SYNJ1: variants seen among roughly 807,000 people sequenced by gnomAD.
SYNJ1 encodes polyphosphatidylinositol phosphatase SYNJ1.
SYNJ1 carries 78 observed loss-of-function variants against 168.2 expected under a neutral mutation model. The ratio of observed to expected loss-of-function variants is 0.46; its 90% CI spans 0.39 to 0.56. The LOEUF is 0.56. Among genes scored for constraint, SYNJ1 ranks in the 20% least tolerant of loss-of-function variants. The pLI, the probability that SYNJ1 is intolerant of heterozygous loss-of-function variation, is 0.00. For missense variants in SYNJ1, 1,303 were observed against 1,597.6 expected (o/e 0.82, Z 3.14); for synonymous variants, 539 against 548.6 (o/e 0.98, Z 0.24).
chr21:32,721,322 AGT>A (rs1381290718), intron 2 of SYNJ1, among the ~76,000 whole-genome samples: 2 of 152,268 alleles, frequency 1.3e-5, no homozygotes, highest in East Asian at 3.8e-4. Flanking sequence ...CTTTTTAGAA[AGT>A]GTTTTAAATA....
intron 6 of SYNJ1, among the ~76,000 whole-genome samples, chr21:32,691,074 T>C (rs2146132586): frequency 6.6e-6 from 1 of 152,390 alleles, no homozygotes; most frequent in Non-Finnish European, 1.5e-5. Flanking sequence ...TGTTTACCAT[T>C]TTTTGACTGA....
Position 32,656,984 on chromosome 21 carries a change from A to T in SYNJ1, c.2579+19T>A, listed in dbSNP as rs938462044. On this transcript the variant is annotated intron_variant, in intron 20 of 32. Coordinates refer to ENST00000674351, the MANE Select transcript of SYNJ1 (RefSeq NM_203446.3). ...AAACAAATTTCAAACACTATTAGAA[A>T]AACTGAGACTGCTTAAACCTGTGGT... is the stretch of plus-strand genomic sequence containing the variant. 1 of 1,611,418 alleles carries T rather than the reference A, an allele frequency of 6.2e-7. No homozygotes were observed.
At chr21:32,664,861 T>TG (rs2040861545) in intron 18 of SYNJ1, 52 bp downstream of exon 18, 4 of 1,478,730 alleles carry the variant, frequency 2.7e-6, no homozygotes, top group African/African-American at 1.4e-5. Flanking sequence ...TAAAAAGGCA[T>TG]GTTTCACGAC....
intron 2 of SYNJ1, among the ~76,000 whole-genome samples, chr21:32,724,356 C>T (rs537952158): frequency 6.6e-6 from 1 of 152,202 alleles, no homozygotes; most frequent in African/African-American, 2.4e-5. Context: ...GGCGTGGTGG[C>T]ACACACCTAT....
At chr21:32,641,471 A>G (rs1223923385) in intron 29 of SYNJ1, among the ~76,000 whole-genome samples, 4 of 152,190 alleles carry the variant, frequency 2.6e-5, no homozygotes, top group Non-Finnish European at 1.5e-5. Context: ...AAAAACCAAA[A>G]AGAGAAAAAA....
chr21:32,661,886 AT>A (rs1193402318), intron 18 of SYNJ1, among the ~76,000 whole-genome samples: 1 of 152,046 alleles, frequency 6.6e-6, no homozygotes, highest in Non-Finnish European at 1.5e-5. Context: ...TTTGGGAAAA[AT>A]TACACAAACA....
chr21:32,646,647 G>A, intron 23 of SYNJ1, 45 bp from the exon 24 acceptor site: 1 of 1,491,322 alleles, frequency 6.7e-7, no homozygotes, highest in Non-Finnish European at 9.3e-7. Context: ...ATTTTAACTT[G>A]CTCAGAGATT....
At chr21:32,656,215 T>A (rs943855334) in intron 21 of SYNJ1, among the ~76,000 whole-genome samples, 8 of 152,180 alleles carry the variant, frequency 5.3e-5, no homozygotes, top group Non-Finnish European at 1.0e-4. Flanking sequence ...GCAGATCGCT[T>A]AAGGCCAGGG....
intron 15 of SYNJ1, among the ~76,000 whole-genome samples, chr21:32,667,995 A>C (rs1320183270): frequency 6.9e-6 from 1 of 144,596 alleles, no homozygotes; most frequent in African/African-American, 2.6e-5. Context: ...CTACTTTATT[A>C]AAGAAGAATA....
In SYNJ1 at chr21:32,665,019, T is replaced by A; in HGVS notation, c.2198A>T (p.Tyr733Phe). 1.9e-6 allele frequency: 3 copies of A among 1,613,540 alleles called. No homozygotes were observed. Among genetic ancestry groups the A allele is most frequent in the Non-Finnish European group, 2.5e-6 (3 of 1,179,618 alleles). Residue 733 changes from tyrosine to phenylalanine, a missense_variant, in exon 18 of 33, where the codon TAT (tyrosine) becomes TTT (phenylalanine). This residue lies in a region of SYNJ1 where 920 missense variants were observed against 1,208.8 expected (regional missense o/e 0.76). Transcript: ENST00000674351. Reference protein sequence around the residue: ...DYVFWCGDFNYRIDLPNEEVK... With the variant: ...DYVFWCGDFNFRIDLPNEEVK... Reference sequence around the variant, plus strand: ...TTCTTCGTTAGGGAGATCGATTCGATAGTTGAAATCACCACACCAAAATAC... The same window carrying A: ...TTCTTCGTTAGGGAGATCGATTCGAAAGTTGAAATCACCACACCAAAATAC...
intron 31 of SYNJ1, among the ~76,000 whole-genome samples, chr21:32,637,784 T>A (rs1006579659): frequency 6.6e-6 from 1 of 152,210 alleles, no homozygotes; most frequent in East Asian, 1.9e-4. Flanking sequence ...TAAGGGAACA[T>A]TTATTTTTCT....
intron 4 of SYNJ1, among the ~76,000 whole-genome samples, chr21:32,698,705 A>G (rs2042294878): frequency 6.6e-6 from 1 of 152,186 alleles, no homozygotes; most frequent in Non-Finnish European, 1.5e-5. Flanking sequence ...GTTATGCATA[A>G]TCATGAAATA....
intron 15 of SYNJ1, among the ~76,000 whole-genome samples, chr21:32,666,828 CA>C (rs1458602712): frequency 6.6e-6 from 1 of 152,196 alleles, no homozygotes; most frequent in East Asian, 1.9e-4. Flanking sequence ...TGAGTAAATT[CA>C]AACTTATACA....
At chr21:32,717,689 C>CTT (rs1260974749) in intron 2 of SYNJ1, among the ~76,000 whole-genome samples, 1 of 152,172 alleles carries the variant, frequency 6.6e-6, no homozygotes, top group East Asian at 1.9e-4. Flanking sequence ...CTGCCTACTC[C>CTT]TTTTTGGTGA....
At chr21:32,719,986 T>C (rs1375461173) in intron 2 of SYNJ1, among the ~76,000 whole-genome samples, 1 of 151,960 alleles carries the variant, frequency 6.6e-6, no homozygotes, top group Non-Finnish European at 1.5e-5. Context: ...ACACCTGTAA[T>C]CCCAGGACTT....
intron 15 of SYNJ1, among the ~76,000 whole-genome samples, chr21:32,667,683 CCT>C (rs2040995971): frequency 6.6e-6 from 1 of 152,136 alleles, no homozygotes; most frequent in East Asian, 1.9e-4. Context: ...GATCCTCCCA[CCT>C]CAGCCCCGCA....
At chr21:32,693,695 T>C (rs750011780) in intron 6 of SYNJ1, among the ~76,000 whole-genome samples, 3 of 152,190 alleles carry the variant, frequency 2.0e-5, no homozygotes, top group Non-Finnish European at 4.4e-5. Context: ...CCAGGTGCTA[T>C]TCTAAGTGCT....
intron 30 of SYNJ1, 126 bp downstream of exon 30, chr21:32,639,545 T>C: frequency 1.4e-6 from 1 of 720,420 alleles, no homozygotes; most frequent in Non-Finnish European, 2.3e-6. Context: ...GCATGTGCCA[T>C]CACCCCTGGC....
intron 24 of SYNJ1, 68 bp downstream of exon 24, chr21:32,646,325 G>T: frequency 6.7e-7 from 1 of 1,492,580 alleles, no homozygotes; most frequent in Non-Finnish European, 9.2e-7. Context: ...AAACTTAAAC[G>T]ATGACTCTCC....
Sources: allele counts gnomAD v4.1 joint callset (sites outside exome capture counted in the v4.1 genomes callset), GRCh38; gene constraint gnomAD v4.1.1; regional missense constraint gnomAD v4.1.1; transcripts MANE v1.5; gene names NCBI Gene and HGNC (gene_info 2026-07-23, HGNC 2026-07-21).